PAK5: variants seen among roughly 807,000 people sequenced by gnomAD.
PAK5 encodes the protein serine/threonine-protein kinase PAK 5.
A neutral mutation model predicts 65.9 loss-of-function variants in PAK5; 16 were observed. That is an observed-to-expected ratio of 0.24 (90% CI 0.16 to 0.37). The LOEUF (loss-of-function observed/expected upper bound fraction) is 0.37, where lower values mean the gene tolerates loss of function less well. Ranked by LOEUF, PAK5 falls within the 10% of genes least tolerant of loss-of-function variation. PAK5 has a pLI of 1.00. For synonymous variants in PAK5, 371 were observed against 354.9 expected, an observed-to-expected ratio of 1.05 and a Z score of -0.51; for missense variants, 785 against 903.9, an observed-to-expected ratio of 0.87 and a Z score of 1.69.
intron 1 of PAK5, among the ~76,000 whole-genome samples, chr20:9,806,782 C>G (rs1291733995): frequency 1.3e-5 from 2 of 152,126 alleles, no homozygotes; most frequent in African/African-American, 4.8e-5. Context: ...ATATTAATTT[C>G]CTATCGCTAC....
chr20:9,799,402 T>C (rs2049142152), intron 1 of PAK5, among the ~76,000 whole-genome samples: 1 of 152,134 alleles, frequency 6.6e-6, no homozygotes, highest in Non-Finnish European at 1.5e-5. Flanking sequence ...ATGAAAAGGA[T>C]AGAGCTACTT....
chr20:9,553,081 G>C (rs1002570499), intron 7 of PAK5, among the ~76,000 whole-genome samples: 2 of 151,968 alleles, frequency 1.3e-5, no homozygotes, highest in Non-Finnish European at 2.9e-5. Context: ...ACGTGCACCC[G>C]TCTCTCCCTA....
chr20:9,544,544 C>T lies in PAK5; in HGVS notation c.1744-50G>A, dbSNP rs747739551. The T allele has an allele frequency of 6.4e-6, 10 of 1,560,106 alleles. No individual in the cohort carries two copies. In the Admixed American group the frequency reaches 1.5e-4, roughly 23 times the overall value. On this transcript the variant is annotated intron_variant, in intron 7 of 9. Transcript: ENST00000353224. ...ACTAGCAATTTTAAAACAATGTCTG[C>T]TAGACACGAAAATACAAACATACAG...
intron 2 of PAK5, among the ~76,000 whole-genome samples, chr20:9,683,769 T>C (rs2047681115): frequency 6.6e-6 from 1 of 152,126 alleles, no homozygotes; most frequent in Admixed American, 6.5e-5. Flanking sequence ...CCCAGGCAGG[T>C]GTGCAGTAGT....
chr20:9,537,409 T>A lies in PAK5; in HGVS notation c.*2053A>T. 1 of 199,226 alleles carries A rather than the reference T, an allele frequency of 5.0e-6. No individual in the cohort carries two copies. Among genetic ancestry groups the A allele is most frequent in the Non-Finnish European group, 1.0e-5 (1 of 96,202 alleles). The allele number at this position is 199,226 out of a possible 1,614,324, so 12.3% of individuals were successfully genotyped here. A position where few individuals can be genotyped will look rare whatever the true frequency, so the allele number is the denominator to read the frequency against. On this transcript the variant is annotated 3_prime_UTR_variant, in exon 10 of 10. Coordinates refer to ENST00000353224, the MANE Select transcript of PAK5 (RefSeq NM_177990.4). ...ATGGGGAAAAGGCAAACATTTATTTTTATTTGCAAATGCAGTTTCTGCCAA... is the reference window on the plus strand; with the variant it reads ...ATGGGGAAAAGGCAAACATTTATTTATATTTGCAAATGCAGTTTCTGCCAA...
chr20:9,732,722 C>CA (rs1445226776), intron 1 of PAK5, among the ~76,000 whole-genome samples: 2 of 152,170 alleles, frequency 1.3e-5, no homozygotes, highest in African/African-American at 4.8e-5. Context: ...ATTGGTCTGT[C>CA]AATATCTGTC....
At chr20:9,546,981 T>G (rs1387721856) in intron 7 of PAK5, among the ~76,000 whole-genome samples, 1 of 152,218 alleles carries the variant, frequency 6.6e-6, no homozygotes, top group Non-Finnish European at 1.5e-5. Context: ...CCATCCAAAG[T>G]GCAGAATGTG....
At chr20:9,813,300 A>ATATG (rs1243661941) in intron 1 of PAK5, among the ~76,000 whole-genome samples, 4 of 151,414 alleles carry the variant, frequency 2.6e-5, no homozygotes, top group Non-Finnish European at 5.9e-5. Flanking sequence ...GGGGTGACAG[A>ATATG]TATGTTCATT....
At chr20:9,542,771 T>C in intron 8 of PAK5, 51 bp from the exon 9 acceptor site, 3 of 1,548,450 alleles carry the variant, frequency 1.9e-6, no homozygotes, top group Non-Finnish European at 1.8e-6. Context: ...CATTCTGAAA[T>C]GTCAAGTGTG....
At chr20:9,818,490 C>G (rs375169822) in intron 1 of PAK5, among the ~76,000 whole-genome samples, 5 of 152,146 alleles carry the variant, frequency 3.3e-5, no homozygotes, top group Admixed American at 2.6e-4. Context: ...CTGAAACACC[C>G]TCCATTAACA....
In PAK5 at chr20:9,761,156, G is replaced by T. The variant is rs115994736; in HGVS notation, c.-161-49721C>A. ...AAAGGAGAAAGTTATCTTTAGCTTT[G>T]CTTTTCCTGATCCCACTGTTTTTCA... On this transcript the variant is annotated intron_variant, in intron 1 of 9. Coordinates refer to ENST00000353224, the MANE Select transcript of PAK5 (RefSeq NM_177990.4). 3.7e-3 allele frequency among the ~76,000 whole-genome samples: 558 copies of T among 152,176 alleles called. 3 individuals are homozygous for T. Among genetic ancestry groups the T allele is most frequent in the African/African-American group, 0.012 (518 of 41,514 alleles).
At chr20:9,675,894 A>G (rs2047563802) in intron 2 of PAK5, among the ~76,000 whole-genome samples, 1 of 125,726 alleles carries the variant, frequency 8.0e-6, no homozygotes, top group Non-Finnish European at 1.7e-5. Flanking sequence ...TTAATTTTTA[A>G]TTCTGTAACA....
At chr20:9,763,382 A>G (rs1018310132) in intron 1 of PAK5, among the ~76,000 whole-genome samples, 1 of 152,130 alleles carries the variant, frequency 6.6e-6, no homozygotes, top group Non-Finnish European at 1.5e-5. Context: ...GTGTATACTT[A>G]TCCCCAAATT....
At chr20:9,540,516 T>C (rs1426818249) in intron 9 of PAK5, among the ~76,000 whole-genome samples, 1 of 152,202 alleles carries the variant, frequency 6.6e-6, no homozygotes, top group Non-Finnish European at 1.5e-5. Context: ...GTTGTATCTG[T>C]GAGATTCATC....
intron 3 of PAK5, among the ~76,000 whole-genome samples, chr20:9,608,204 C>T (rs1474460057): frequency 6.6e-6 from 1 of 152,192 alleles, no homozygotes; most frequent in Admixed American, 6.5e-5. Flanking sequence ...AGGATTTCAA[C>T]ATACAAATTT....
intron 2 of PAK5, among the ~76,000 whole-genome samples, chr20:9,647,259 C>G (rs1398136430): frequency 6.6e-6 from 1 of 152,190 alleles, no homozygotes; most frequent in East Asian, 1.9e-4. Flanking sequence ...GGAAATTACA[C>G]CAATAATTAG....
intron 4 of PAK5, among the ~76,000 whole-genome samples, chr20:9,575,254 GTGTAATTA>G (rs2045866139): frequency 6.6e-6 from 1 of 152,140 alleles, no homozygotes; most frequent in Non-Finnish European, 1.5e-5. Flanking sequence ...GAGTGTAGTA[GTGTAATTA>G]TAACTCACTG....
intron 2 of PAK5, among the ~76,000 whole-genome samples, chr20:9,657,737 T>A (rs2047288462): frequency 6.6e-6 from 1 of 152,170 alleles, no homozygotes; most frequent in Non-Finnish European, 1.5e-5. Context: ...GAGTTCAGCC[T>A]TTATGGATAA....
intron 1 of PAK5, among the ~76,000 whole-genome samples, chr20:9,741,228 TAGAG>T (rs1375695725): frequency 7.2e-5 from 11 of 151,782 alleles, no homozygotes; most frequent in Non-Finnish European, 1.3e-4. Flanking sequence ...TTACAGAGAA[TAGAG>T]AGAGAAAGGA....
Sources: allele counts gnomAD v4.1 joint callset (sites outside exome capture counted in the v4.1 genomes callset), GRCh38; gene constraint gnomAD v4.1.1; transcripts MANE v1.5; gene names NCBI Gene and HGNC (gene_info 2026-07-23, HGNC 2026-07-21).